SMURF2: variants seen among roughly 807,000 people sequenced by gnomAD.
The protein encoded by SMURF2 is SMAD specific E3 ubiquitin protein ligase 2, also known as E3 ubiquitin-protein ligase SMURF2.
In SMURF2, 48 loss-of-function variants were observed where a neutral mutation model predicts 109.6. That is an observed-to-expected ratio of 0.44 (90% CI 0.35 to 0.56). SMURF2 has a LOEUF of 0.56. Ranked by LOEUF, SMURF2 falls within the 20% of genes least tolerant of loss-of-function variation. The pLI is 0.01. For missense variants in SMURF2, 575 were observed against 909.0 expected (o/e 0.63, Z 4.72); for synonymous variants, 288 against 317.1 (o/e 0.91, Z 0.97).
intron 5 of SMURF2, among the ~76,000 whole-genome samples, chr17:64,587,169 C>T (rs1969675105): frequency 1.3e-5 from 2 of 151,844 alleles, no homozygotes; most frequent in Non-Finnish European, 1.5e-5. Context: ...AGTGAGACTC[C>T]GTCTCAAAAA....
At chr17:64,620,894 C>T (rs1463012198) in intron 1 of SMURF2, among the ~76,000 whole-genome samples, 3 of 152,188 alleles carry the variant, frequency 2.0e-5, no homozygotes, top group African/African-American at 7.2e-5. Context: ...AGGATACATG[C>T]AGCTCACTCC....
chr17:64,654,775 G>A (rs1020063540), intron 1 of SMURF2, among the ~76,000 whole-genome samples: 25 of 152,168 alleles, frequency 1.6e-4, no homozygotes, highest in Non-Finnish European at 2.4e-4. Context: ...GTTGCAGTGA[G>A]CCGAGATGGC....
chr17:64,603,900 T>C (rs973831285), intron 2 of SMURF2, among the ~76,000 whole-genome samples: 2 of 152,194 alleles, frequency 1.3e-5, no homozygotes, highest in Admixed American at 1.3e-4. Flanking sequence ...ATGAAAAATA[T>C]ATATCTATTT....
At chr17:64,550,009 C>A (rs1969018646) in intron 16 of SMURF2, among the ~76,000 whole-genome samples, 1 of 152,146 alleles carries the variant, frequency 6.6e-6, no homozygotes. Flanking sequence ...AAATTCTTTT[C>A]TTCAGAGGAA....
chr17:64,646,452 C>T (rs1183494104), intron 1 of SMURF2, among the ~76,000 whole-genome samples: 3 of 149,504 alleles, frequency 2.0e-5, no homozygotes, highest in Admixed American at 1.3e-4. Context: ...GGCACCATCT[C>T]GGCTCACTGC....
At chr17:64,599,116 T>A (rs1969857940) in intron 2 of SMURF2, among the ~76,000 whole-genome samples, 1 of 152,224 alleles carries the variant, frequency 6.6e-6, no homozygotes, top group African/African-American at 2.4e-5. Context: ...CAAACACTTA[T>A]ATCACTATGT....
chr17:64,611,589 C>A lies in SMURF2; in HGVS notation c.53-4949G>T, dbSNP rs76692379. On this transcript the variant is annotated intron_variant, in intron 1 of 18. Transcript: ENST00000262435. ...ACATCCTGACAATTACAATTCTCAGCAATTCTACCTCGGAAATATCCTTCA... is the reference window on the plus strand; with the variant it reads ...ACATCCTGACAATTACAATTCTCAGAAATTCTACCTCGGAAATATCCTTCA... Among the ~76,000 whole-genome samples, 461 of 152,232 alleles carry A rather than the reference C, an allele frequency of 3.0e-3. 2 individuals are homozygous for A. Among genetic ancestry groups the A allele is most frequent in the African/African-American group, 0.011 (448 of 41,544 alleles).
Position 64,571,795 on chromosome 17 carries a change from T to TA in SMURF2, c.1016+2dup. On this transcript the variant is annotated splice_region_variant and intron_variant, in intron 10 of 18. Transcript: ENST00000262435. ...TTTAACATGTATTGTTTCAAAAACT[T>TA]ACTTTAAAACTAAATGCAAGTTAGC... 6.2e-7 allele frequency: 1 copy of TA among 1,603,884 alleles called. No individual in the cohort carries two copies. Among genetic ancestry groups the TA allele is most frequent in the Non-Finnish European group, 8.5e-7 (1 of 1,175,662 alleles).
At chr17:64,580,693 C>G in intron 8 of SMURF2, 96 bp downstream of exon 8, 1 of 1,260,532 alleles carries the variant, frequency 7.9e-7, no homozygotes, top group African/African-American at 1.5e-5. Flanking sequence ...AATCCCTAAG[C>G]TCAGATTAAT....
intron 1 of SMURF2, among the ~76,000 whole-genome samples, chr17:64,631,333 A>G (rs905643150): frequency 1.4e-5 from 2 of 144,970 alleles, no homozygotes; most frequent in South Asian, 2.2e-4. Context: ...AGAGACAGAG[A>G]GAGAGAGACA....
chr17:64,651,468 A>G lies in SMURF2; in HGVS notation c.52+10361T>C, dbSNP rs968082598. ...GCGCCTGTAGTCCCAGCTACTCCAG[A>G]GGCCAAGGCAGAAGAACTGCTTGAA... On this transcript the variant is annotated intron_variant, in intron 1 of 18. Transcript: ENST00000262435. Among the ~76,000 whole-genome samples the G allele has an allele frequency of 6.0e-5, 9 of 150,918 alleles. No homozygotes were observed. The East Asian group carries it at 1.8e-3, about 30-fold the overall frequency.
intron 1 of SMURF2, among the ~76,000 whole-genome samples, chr17:64,610,082 G>C (rs1483917958): frequency 6.6e-6 from 1 of 152,108 alleles, no homozygotes; most frequent in Non-Finnish European, 1.5e-5. Context: ...AGTTAGAATG[G>C]CAATCATTAA....
intron 1 of SMURF2, among the ~76,000 whole-genome samples, chr17:64,640,895 G>T (rs1369477964): frequency 6.8e-6 from 1 of 146,932 alleles, no homozygotes; most frequent in Admixed American, 6.9e-5. Flanking sequence ...CTCCAGCTTG[G>T]CAACAGAGTG....
chr17:64,606,388 G>A (rs1266997992), intron 2 of SMURF2, among the ~76,000 whole-genome samples: 2 of 152,040 alleles, frequency 1.3e-5, no homozygotes, highest in Non-Finnish European at 2.9e-5. Context: ...ATAAATACGT[G>A]GGAGAGGTGA....
chr17:64,640,993 C>T (rs1970486438), intron 1 of SMURF2, among the ~76,000 whole-genome samples: 1 of 151,362 alleles, frequency 6.6e-6, no homozygotes, highest in African/African-American at 2.4e-5. Flanking sequence ...TCATTTTATT[C>T]TTAACCCTGA....
chr17:64,544,146 C>T lies in SMURF2; in HGVS notation c.*1702G>A, dbSNP rs1438773912. On this transcript the variant is annotated 3_prime_UTR_variant, in exon 19 of 19. Coordinates refer to ENST00000262435, the MANE Select transcript of SMURF2 (RefSeq NM_022739.4). ...CCCGCCCCACTGCACCCCATGAAAGCTTACTTGAAATTCCAATATACATAA... is the reference window on the plus strand; with the variant it reads ...CCCGCCCCACTGCACCCCATGAAAGTTTACTTGAAATTCCAATATACATAA... The T allele has an allele frequency of 6.6e-6, 1 of 152,188 alleles. No homozygotes were observed. The highest frequency in any genetic ancestry group is 1.5e-5 in the Non-Finnish European group (1 of 68,028). 9.4% of individuals were successfully genotyped at this position (152,188 alleles called of 1,614,324 possible).
intron 2 of SMURF2, among the ~76,000 whole-genome samples, chr17:64,601,424 T>C (rs1555688561): frequency 6.6e-6 from 1 of 152,048 alleles, no homozygotes; most frequent in Non-Finnish European, 1.5e-5. Flanking sequence ...ATCAACAAGA[T>C]AGGCCAATAA....
intron 13 of SMURF2, among the ~76,000 whole-genome samples, chr17:64,556,913 A>G (rs149535777): frequency 2.0e-5 from 3 of 152,314 alleles, no homozygotes; most frequent in East Asian, 1.9e-4. Flanking sequence ...TATATTTACC[A>G]AAGTTGCATT....
intron 1 of SMURF2, among the ~76,000 whole-genome samples, chr17:64,622,130 A>C (rs1437264194): frequency 6.6e-6 from 1 of 151,108 alleles, no homozygotes; most frequent in Non-Finnish European, 1.5e-5. Flanking sequence ...TATAATTTAT[A>C]AGAAAATACT....
Sources: gnomAD v4.1 joint callset for allele counts (sites outside exome capture counted in the v4.1 genomes callset) on GRCh38, gnomAD v4.1.1 for gene constraint, MANE v1.5 for transcripts, NCBI Gene and HGNC (gene_info 2026-07-23, HGNC 2026-07-21) for gene names.